Variants in PRDM5 observed in about 807,000 individuals in gnomAD.
PRDM5 encodes PR domain zinc finger protein 5.
In PRDM5, 56 loss-of-function variants were observed where a neutral mutation model predicts 81.2. That is an observed-to-expected ratio of 0.69 (90% CI 0.56 to 0.86). The LOEUF (loss-of-function observed/expected upper bound fraction) is 0.86, where lower values mean the gene tolerates loss of function less well. PRDM5 is among the 40% of genes least tolerant of loss of function. The pLI is 0.00. For synonymous variants in PRDM5, 267 were observed against 256.4 expected (o/e 1.04, Z -0.39); for missense variants, 697 against 770.1 (o/e 0.91, Z 1.12).
intron 1 of PRDM5, among the ~76,000 whole-genome samples, chr4:120,910,944 C>G (rs1766434258): frequency 6.6e-6 from 1 of 152,174 alleles, no homozygotes; most frequent in Non-Finnish European, 1.5e-5. Context: ...AAACTGTCCG[C>G]TCTTCCATTT....
At chr4:120,780,916 T>C (rs1461093514) in intron 12 of PRDM5, among the ~76,000 whole-genome samples, 1 of 152,174 alleles carries the variant, frequency 6.6e-6, no homozygotes, top group Non-Finnish European at 1.5e-5. Context: ...CTATGGGTTA[T>C]GAAGAGTCTA....
At chr4:120,788,947 T>C (rs558805963) in intron 10 of PRDM5, among the ~76,000 whole-genome samples, 1 of 152,352 alleles carries the variant, frequency 6.6e-6, no homozygotes, top group South Asian at 2.1e-4. Flanking sequence ...AGAGAACTTC[T>C]GTCTCCAAGA....
In PRDM5 at chr4:120,863,175, A is replaced by AAAAT. The variant is rs1553997140; in HGVS notation, c.178-9636_178-9635insATTT. ...TCTGTCTAAAAAAAAAAAAAAAAAA[A>AAAAT]ATATATATATATATATACACACACA... is the stretch of plus-strand genomic sequence containing the variant. On this transcript the variant is annotated intron_variant, in intron 2 of 15. Transcript: ENST00000264808. Among the ~76,000 whole-genome samples, 153 of 60,584 alleles carry AAAAT rather than the reference A, an allele frequency of 2.5e-3. 1 individual carries two copies. The highest frequency in any genetic ancestry group is 4.2e-3 in the Admixed American group (15 of 3,576). 39.7% of individuals were successfully genotyped at this position (60,584 alleles called of 152,430 possible). A position where few individuals can be genotyped will look rare whatever the true frequency, so the allele number is the denominator to read the frequency against.
chr4:120,790,106 A>G (rs1750352768), intron 10 of PRDM5, among the ~76,000 whole-genome samples: 1 of 152,212 alleles, frequency 6.6e-6, no homozygotes, highest in Non-Finnish European at 1.5e-5. Context: ...CACTGGTAAG[A>G]GCCATAACTC....
intron 2 of PRDM5, among the ~76,000 whole-genome samples, chr4:120,854,329 T>C (rs1244929334): frequency 2.0e-5 from 3 of 152,110 alleles, no homozygotes; most frequent in Non-Finnish European, 4.4e-5. Flanking sequence ...AAAACTTATA[T>C]ACCAATCACC....
chr4:120,736,239 G>C (rs1253941516), intron 14 of PRDM5, among the ~76,000 whole-genome samples: 2 of 132,424 alleles, frequency 1.5e-5, no homozygotes, highest in Non-Finnish European at 3.3e-5. Context: ...GTGTGTGTGT[G>C]TATCACATTT....
rs1307151013 is a variant in PRDM5 at position 120,799,647 on chromosome 4, A to C, written c.1030+14T>G. 1.5e-5 allele frequency: 24 copies of C among 1,610,728 alleles called. No individual in the cohort carries two copies. The highest frequency in any genetic ancestry group is 1.9e-5 in the Non-Finnish European group (22 of 1,179,162). On this transcript the variant is annotated intron_variant, in intron 9 of 15. Coordinates refer to ENST00000264808, the MANE Select transcript of PRDM5 (RefSeq NM_018699.4). ...TAATGATATCACTATAAACAAAAAA[A>C]GTATATAGTTTACCTGAGTGGGTGA...
At chr4:120,907,350 AAC>A (rs1554010138) in intron 2 of PRDM5, 122 bp downstream of exon 2, 1 of 891,352 alleles carries the variant, frequency 1.1e-6, no homozygotes. Context: ...AAAAAAAAAA[AAC>A]CTAAAACATT....
intron 13 of PRDM5, among the ~76,000 whole-genome samples, chr4:120,767,514 C>A (rs1386597261): frequency 2.0e-5 from 3 of 152,062 alleles, no homozygotes; most frequent in African/African-American, 7.2e-5. Flanking sequence ...TAAACTGACA[C>A]CTTCAGGCAT....
chr4:120,831,230 A>G (rs935582579), intron 3 of PRDM5, among the ~76,000 whole-genome samples: 6 of 152,076 alleles, frequency 3.9e-5, no homozygotes, highest in African/African-American at 1.2e-4. Context: ...TGCTTTATTT[A>G]CATCAGAAGC....
In PRDM5 at chr4:120,693,825, T is replaced by C. The variant is rs532636152; in HGVS notation, c.*1286A>G. ...TTCATTTTAACGTTTTTCTGGTTTTTGGATATTCCTCCAGGTTATTTTGAC... is the reference window on the plus strand; with the variant it reads ...TTCATTTTAACGTTTTTCTGGTTTTCGGATATTCCTCCAGGTTATTTTGAC... On this transcript the variant is annotated 3_prime_UTR_variant, in exon 16 of 16. Transcript: ENST00000264808. The C allele has an allele frequency of 6.6e-6, 1 of 152,166 alleles. No homozygotes were observed. Among genetic ancestry groups the C allele is most frequent in the Non-Finnish European group, 1.5e-5 (1 of 68,030 alleles). 9.4% of individuals were successfully genotyped at this position (152,166 alleles called of 1,614,324 possible). A position where few individuals can be genotyped will look rare whatever the true frequency, so the allele number is the denominator to read the frequency against.
chr4:120,712,488 C>T (rs1022041633), intron 14 of PRDM5, among the ~76,000 whole-genome samples: 12 of 152,060 alleles, frequency 7.9e-5, no homozygotes, highest in Non-Finnish European at 1.8e-4. Flanking sequence ...ATACAGGTGC[C>T]GCTCTCAATT....
At chr4:120,844,000 C>T (rs956675177) in intron 3 of PRDM5, among the ~76,000 whole-genome samples, 1 of 152,068 alleles carries the variant, frequency 6.6e-6, no homozygotes, top group Non-Finnish European at 1.5e-5. Flanking sequence ...GAGGATGCTT[C>T]GTGCACCTAA....
At chr4:120,863,191 T>TATATATACACACACACAC (rs1553997193) in intron 2 of PRDM5, among the ~76,000 whole-genome samples, 23 of 70,310 alleles carry the variant, frequency 3.3e-4, no homozygotes, top group Admixed American at 9.5e-4. Flanking sequence ...TATATATATA[T>TATATATACACACACACAC]ACACACACAC....
At chr4:120,725,559 C>T (rs1265532735) in intron 14 of PRDM5, among the ~76,000 whole-genome samples, 2 of 152,160 alleles carry the variant, frequency 1.3e-5, no homozygotes, top group East Asian at 3.8e-4. Context: ...TGAGAAAGAA[C>T]ACCCATTAAC....
At chr4:120,894,966 A>G (rs969009542) in intron 2 of PRDM5, among the ~76,000 whole-genome samples, 8 of 152,222 alleles carry the variant, frequency 5.3e-5, no homozygotes, top group African/African-American at 1.9e-4. Flanking sequence ...TTGTAACACT[A>G]AACACCAAAA....
chr4:120,730,400 G>A (rs762457179), intron 14 of PRDM5, among the ~76,000 whole-genome samples: 1 of 152,088 alleles, frequency 6.6e-6, no homozygotes, highest in Non-Finnish European at 1.5e-5. Flanking sequence ...ATATAACTGG[G>A]TAACTTTATG....
At chr4:120,877,615 G>T (rs1028560487) in intron 2 of PRDM5, among the ~76,000 whole-genome samples, 1 of 152,098 alleles carries the variant, frequency 6.6e-6, no homozygotes, top group Non-Finnish European at 1.5e-5. Context: ...GACCACCCTG[G>T]CCAAGATGGT....
intron 14 of PRDM5, among the ~76,000 whole-genome samples, chr4:120,711,836 C>G (rs1737032908): frequency 6.6e-6 from 1 of 152,070 alleles, no homozygotes; most frequent in Non-Finnish European, 1.5e-5. Context: ...ATCTTTTTAG[C>G]CCGGATTAAT....
Sources: allele counts gnomAD v4.1 joint callset (sites outside exome capture counted in the v4.1 genomes callset), GRCh38; gene constraint gnomAD v4.1.1; transcripts MANE v1.5; gene names NCBI Gene and HGNC (gene_info 2026-07-23, HGNC 2026-07-21).